Variants in GARIN1A observed in about 807,000 individuals in gnomAD.
The protein encoded by GARIN1A is Golgi-associated RAB2 interactor protein 1A.
At chr7:128,685,149 C>T in the GARIN1A span, 1 of 152,288 alleles carries the variant, frequency 6.6e-6, no homozygotes, top group African/African-American at 2.4e-5. Context: ...TATCCACCCT[C>T]CTCGGCCTCC....
At chr7:128,688,832 C>T in the GARIN1A span, among the ~76,000 whole-genome samples, 4 of 131,742 alleles carry the variant, frequency 3.0e-5, no homozygotes, top group East Asian at 2.4e-4. Context: ...CTCTTTCCAC[C>T]GTCTCCCTCT....
At chr7:128,700,631 A>G in the GARIN1A span, among the ~76,000 whole-genome samples, 1 of 152,196 alleles carries the variant, frequency 6.6e-6, no homozygotes, top group African/African-American at 2.4e-5. Context: ...ATTTGCTGCC[A>G]TTTTATTTAG....
chr7:128,685,712 G>A, the GARIN1A span: 1 of 152,220 alleles, frequency 6.6e-6, no homozygotes, highest in African/African-American at 2.4e-5. Flanking sequence ...CTAATGTGCA[G>A]GGTGATTGTA....
chr7:128,672,303 G>A, the GARIN1A span: 1 of 1,061,170 alleles, frequency 9.4e-7, no homozygotes, highest in Non-Finnish European at 1.3e-6. Context: ...GGAAATGCTG[G>A]GGAGGTGGGG....
the GARIN1A span, chr7:128,686,768 C>T: frequency 0.036 from 5,519 of 152,160 alleles, 136 homozygotes; most frequent in Non-Finnish European, 0.05. Flanking sequence ...CCCAGCTACT[C>T]AGGAGGCTGA....
At chr7:128,683,195 T>C in the GARIN1A span, 2 of 1,490,722 alleles carry the variant, frequency 1.3e-6, no homozygotes, top group Non-Finnish European at 1.8e-6. Flanking sequence ...TGCATACGTG[T>C]ACTTGCTACC....
At chr7:128,688,874 C>G in the GARIN1A span, among the ~76,000 whole-genome samples, 8 of 144,352 alleles carry the variant, frequency 5.5e-5, no homozygotes, top group Non-Finnish European at 1.1e-4. Flanking sequence ...TGTGCTGCCG[C>G]CATCTCTGCT....
the GARIN1A span, chr7:128,687,246 C>T: frequency 6.6e-6 from 1 of 152,222 alleles, no homozygotes; most frequent in Admixed American, 6.5e-5. Flanking sequence ...GTTTACATGT[C>T]TGTCTCCTTG....
At chr7:128,700,781 T>C in the GARIN1A span, among the ~76,000 whole-genome samples, 1 of 151,914 alleles carries the variant, frequency 6.6e-6, no homozygotes, top group East Asian at 1.9e-4. Context: ...ATGACAGCCA[T>C]CAAACCTCAG....
chr7:128,690,262 A>G, the GARIN1A span, among the ~76,000 whole-genome samples: 2 of 152,244 alleles, frequency 1.3e-5, no homozygotes, highest in Non-Finnish European at 2.9e-5. Context: ...CAGGGACACA[A>G]ACACTGCGGA....
the GARIN1A span, chr7:128,675,800 C>T: frequency 2.5e-6 from 4 of 1,613,920 alleles, no homozygotes; most frequent in Non-Finnish European, 1.7e-6. Flanking sequence ...TTACCTGGCC[C>T]CAGGGTCCAT....
At chr7:128,694,226 T>C in the GARIN1A span, among the ~76,000 whole-genome samples, 1 of 152,158 alleles carries the variant, frequency 6.6e-6, no homozygotes, top group Admixed American at 6.5e-5. Context: ...GTTGGAAACT[T>C]TTTAGTGTAA....
chr7:128,701,214 GGAAACAAAT>G, the GARIN1A span, among the ~76,000 whole-genome samples: 1 of 150,090 alleles, frequency 6.7e-6, no homozygotes, highest in African/African-American at 2.5e-5. Flanking sequence ...TTCCATAGAG[GGAAACAAAT>G]GTTAGAAGTA....
the GARIN1A span, among the ~76,000 whole-genome samples, chr7:128,692,334 T>A: frequency 6.6e-6 from 1 of 152,220 alleles, no homozygotes; most frequent in Non-Finnish European, 1.5e-5. Flanking sequence ...CAGCTGTGGC[T>A]GCTCCACATT....
At chr7:128,678,012 TTTC>T in the GARIN1A span, 7 of 235,878 alleles carry the variant, frequency 3.0e-5, no homozygotes, top group South Asian at 5.8e-5. Flanking sequence ...TTTAGAAATG[TTTC>T]TTTTTTTTTT....
the GARIN1A span, chr7:128,677,672 A>G: frequency 1.2e-6 from 2 of 1,613,762 alleles, no homozygotes; most frequent in South Asian, 2.2e-5. Context: ...TCCACGAAAA[A>G]CACCCAGAGA....
At chr7:128,672,658 C>A in the GARIN1A span, 36 of 117,050 alleles carry the variant, frequency 3.1e-4, no homozygotes, top group Admixed American at 1.2e-3. Context: ...GAGGGGGGGG[C>A]GGGGGGACAA....
At chr7:128,671,910 C>G in the GARIN1A span, among the ~76,000 whole-genome samples, 1 of 151,584 alleles carries the variant, frequency 6.6e-6, no homozygotes, top group Non-Finnish European at 1.5e-5. Flanking sequence ...TTTTTCCTAT[C>G]CTTAGACTTC....
the GARIN1A span, among the ~76,000 whole-genome samples, chr7:128,690,085 T>C: frequency 3.9e-5 from 6 of 152,382 alleles, no homozygotes; most frequent in Admixed American, 3.9e-4. Flanking sequence ...TGCCTTGGGA[T>C]GCTGTTGATC....
Sources: gnomAD v4.1 joint callset for allele counts (sites outside exome capture counted in the v4.1 genomes callset) on GRCh38, gnomAD v4.1.1 for gene constraint, MANE v1.5 for transcripts, NCBI Gene and HGNC (gene_info 2026-07-23, HGNC 2026-07-21) for gene names.